The following PDE7B variants were observed in gnomAD, a reference collection of about 807,000 sequenced individuals.
The protein encoded by PDE7B is phosphodiesterase 7B.
In PDE7B, 29 loss-of-function variants were observed where a neutral mutation model predicts 56.2. The ratio of observed to expected loss-of-function variants is 0.52; its 90% CI spans 0.38 to 0.70. The LOEUF is 0.70. Ranked by LOEUF, PDE7B falls within the 30% of genes least tolerant of loss-of-function variation. The probability of loss-of-function intolerance (pLI) is 0.00; values close to 1 mark genes in which losing one functional copy is unlikely to be tolerated. For missense variants in PDE7B, 490 were observed against 565.0 expected (o/e 0.87, Z 1.35); for synonymous variants, 197 against 196.9 (o/e 1.00, Z 0.00).
chr6:136,120,724 C>T (rs1166627397), intron 3 of PDE7B, among the ~76,000 whole-genome samples: 1 of 152,130 alleles, frequency 6.6e-6, no homozygotes, highest in African/African-American at 2.4e-5. Context: ...GCTTTTGTGG[C>T]ACTATATGTC....
At chr6:135,880,091 A>G (rs1775578443) in intron 1 of PDE7B, among the ~76,000 whole-genome samples, 2 of 152,190 alleles carry the variant, frequency 1.3e-5, no homozygotes, top group Admixed American at 6.5e-5. Context: ...TCTTGTTTTC[A>G]TACGCATCGT....
intron 3 of PDE7B, among the ~76,000 whole-genome samples, chr6:136,125,992 A>C (rs1778017308): frequency 6.6e-6 from 1 of 152,216 alleles, no homozygotes; most frequent in African/African-American, 2.4e-5. Flanking sequence ...AATCATAATA[A>C]GGCCCTAGCT....
At chr6:136,071,816 A>G (rs564910236) in intron 2 of PDE7B, among the ~76,000 whole-genome samples, 1 of 152,220 alleles carries the variant, frequency 6.6e-6, no homozygotes, top group African/African-American at 2.4e-5. Context: ...TGAGTGCAGC[A>G]TTCTAATGTT....
chr6:136,033,242 C>A (rs749235568), intron 2 of PDE7B, among the ~76,000 whole-genome samples: 1 of 152,198 alleles, frequency 6.6e-6, no homozygotes, highest in Non-Finnish European at 1.5e-5. Context: ...TGTTCTCAAC[C>A]TTTTGTCTCA....
intron 4 of PDE7B, 101 bp downstream of exon 4, chr6:136,147,603 C>T: frequency 2.3e-6 from 2 of 872,502 alleles, no homozygotes; most frequent in Non-Finnish European, 3.6e-6. Context: ...CTCTGAGGAG[C>T]TCTGTGACCC....
At chr6:136,173,097 C>CA in intron 8 of PDE7B, among the ~76,000 whole-genome samples, 1 of 152,226 alleles carries the variant, frequency 6.6e-6, no homozygotes, top group East Asian at 1.9e-4. Context: ...TTTATAGATT[C>CA]AATGCCATCC....
rs911452392 is a variant in PDE7B at position 135,913,133 on chromosome 6, T to A, written c.22-34331T>A. Among the ~76,000 whole-genome samples, 4 of 152,228 alleles carry A rather than the reference T, an allele frequency of 2.6e-5. No individual in the cohort carries two copies. The East Asian group carries it at 7.7e-4, about 29-fold the overall frequency. ...TTGTAATAAGAACTTCACATAATTA[T>A]CTTTTTAATCTACAAAACAACTTTA... On this transcript the variant is annotated intron_variant, in intron 1 of 12. Transcript: ENST00000308191.
At chr6:136,169,300 T>C (rs1008155933) in intron 8 of PDE7B, among the ~76,000 whole-genome samples, 1 of 152,116 alleles carries the variant, frequency 6.6e-6, no homozygotes, top group Non-Finnish European at 1.5e-5. Flanking sequence ...CAAAACATGC[T>C]TTCATGCATA....
intron 2 of PDE7B, among the ~76,000 whole-genome samples, chr6:136,061,613 G>A (rs1477802921): frequency 1.3e-5 from 2 of 152,146 alleles, no homozygotes; most frequent in Non-Finnish European, 2.9e-5. Flanking sequence ...CAGCTACTTA[G>A]TACCCTGCAG....
intron 2 of PDE7B, among the ~76,000 whole-genome samples, chr6:136,075,643 A>G (rs1001548400): frequency 2.0e-5 from 3 of 152,206 alleles, no homozygotes; most frequent in Non-Finnish European, 4.4e-5. Context: ...CCTTCAATGC[A>G]TACTGTTTCA....
rs559134441 is a variant in PDE7B at position 136,031,069 on chromosome 6, C to T, written c.83-77662C>T. Among the ~76,000 whole-genome samples the T allele has an allele frequency of 2.6e-5, 4 of 152,350 alleles. No individual in the cohort carries two copies. The East Asian group carries it at 7.7e-4, about 29-fold the overall frequency. On this transcript the variant is annotated intron_variant, in intron 2 of 12. Coordinates refer to ENST00000308191, the MANE Select transcript of PDE7B (RefSeq NM_018945.4). ...TGTTCTTACATAGCAGTTCTGGTTG[C>T]TTCTTTCCATTGAGAGTATTTGGCC...
At chr6:136,127,301 C>A (rs1232357281) in intron 3 of PDE7B, among the ~76,000 whole-genome samples, 2 of 151,968 alleles carry the variant, frequency 1.3e-5, no homozygotes, top group African/African-American at 4.8e-5. Context: ...CAACATTTCC[C>A]CAATGCCTCC....
intron 2 of PDE7B, among the ~76,000 whole-genome samples, chr6:136,006,302 A>G (rs374481206): frequency 1.3e-5 from 2 of 151,778 alleles, no homozygotes; most frequent in South Asian, 2.1e-4. Context: ...ACATGTATAC[A>G]TATGTAACTA....
intron 2 of PDE7B, among the ~76,000 whole-genome samples, chr6:135,997,783 T>C (rs1775592108): frequency 1.3e-5 from 2 of 152,216 alleles, no homozygotes; most frequent in Admixed American, 1.3e-4. Flanking sequence ...GTATAAATGA[T>C]ACAATATCAA....
At chr6:135,987,921 A>G (rs922320078) in intron 2 of PDE7B, among the ~76,000 whole-genome samples, 11 of 152,084 alleles carry the variant, frequency 7.2e-5, no homozygotes, top group African/African-American at 2.4e-5. Context: ...GAATTCAACA[A>G]ATGAATTTAG....
At chr6:135,891,649 C>T (rs927888847) in intron 1 of PDE7B, among the ~76,000 whole-genome samples, 1 of 152,148 alleles carries the variant, frequency 6.6e-6, no homozygotes, top group Non-Finnish European at 1.5e-5. Context: ...CCACTGCCAG[C>T]CATTTTCATT....
intron 1 of PDE7B, among the ~76,000 whole-genome samples, chr6:135,857,032 C>T (rs545628728): frequency 0.023 from 544 of 23,956 alleles, 7 homozygotes; most frequent in African/African-American, 0.042. Context: ...TTTCCTCCCT[C>T]CCTCCCTCCC....
intron 2 of PDE7B, among the ~76,000 whole-genome samples, chr6:136,102,994 AAG>A (rs1174649694): frequency 2.0e-5 from 3 of 152,188 alleles, no homozygotes; most frequent in Non-Finnish European, 4.4e-5. Flanking sequence ...GAAGAGAAGA[AAG>A]AACTTTTTTC....
Position 136,115,420 on chromosome 6 carries a change from A to C in PDE7B, c.166+6606A>C, listed in dbSNP as rs981412388. On this transcript the variant is annotated intron_variant, in intron 3 of 12. Coordinates refer to ENST00000308191, the MANE Select transcript of PDE7B (RefSeq NM_018945.4). ...ATTATAAAATACGCTTTAAGACTTA[A>C]GAAACCAGGAAAACATTGTCAACAA... is the stretch of plus-strand genomic sequence containing the variant. 5.3e-5 allele frequency among the ~76,000 whole-genome samples: 8 copies of C among 152,322 alleles called. No individual in the cohort carries two copies. The East Asian group carries it at 7.7e-4, about 15-fold the overall frequency.
Sources: allele counts gnomAD v4.1 joint callset (sites outside exome capture counted in the v4.1 genomes callset), GRCh38; gene constraint gnomAD v4.1.1; transcripts MANE v1.5; gene names NCBI Gene and HGNC (gene_info 2026-07-23, HGNC 2026-07-21).